Variants in ACAD9 observed in about 807,000 individuals in gnomAD.
ACAD9 encodes acyl-CoA dehydrogenase family member 9, also known as complex I assembly factor ACAD9, mitochondrial.
In ACAD9, 53 loss-of-function variants were observed where a neutral mutation model predicts 70.2. The observed-to-expected ratio is 0.75, with a 90% confidence interval of 0.61 to 0.95. ACAD9 has a LOEUF of 0.95. ACAD9 is among the 40% of genes least tolerant of loss of function. The pLI is 0.00. For missense variants in ACAD9, 777 were observed against 802.8 expected, an observed-to-expected ratio of 0.97 and a Z score of 0.39; for synonymous variants, 313 against 312.1, an observed-to-expected ratio of 1.00 and a Z score of -0.03.
At position 128,908,456 on chromosome 3, in the gene ACAD9, C is replaced by T. The variant is rs1935974810; in HGVS notation, c.1358+192C>T. On this transcript the variant is annotated intron_variant, in intron 13 of 17. Transcript: ENST00000308982. ...CCAGGGAAGCCCTCGCTGCCCTGCC[C>T]TTATGGCCACAGCACCCTACAGCTT... The T allele has an allele frequency of 4.5e-6, 3 of 668,980 alleles. No individual in the cohort carries two copies. In the South Asian group the frequency reaches 5.0e-5, roughly 11 times the overall value. The allele number at this position is 668,980 out of a possible 1,614,324, so 41.4% of individuals were successfully genotyped here.
chr3:128,899,416 A>G lies in ACAD9; in HGVS notation c.763A>G (p.Thr255Ala), dbSNP rs1935665751. Residue 255 changes from threonine to alanine, a missense_variant, in exon 7 of 18, where the codon ACT (threonine) becomes GCT (alanine). By Grantham distance (58) the Thr-to-Ala change is moderately conservative. Transcript: ENST00000308982. ...AGTAGAAAGAGACTTTGGTGGAGTCACTAATGGGAAACCCGAAGATAAATT... is the reference window on the plus strand; with the variant it reads ...AGTAGAAAGAGACTTTGGTGGAGTCGCTAATGGGAAACCCGAAGATAAATT... ...FIVERDFGGV[T>A]NGKPEDKLGI... 6.2e-7 allele frequency: 1 copy of G among 1,614,266 alleles called. No homozygotes were observed. The highest frequency in any genetic ancestry group is 8.5e-7 in the Non-Finnish European group (1 of 1,180,046).
rs538712343 is a variant in ACAD9 at position 128,909,028 on chromosome 3, C to G, written c.1414C>G (p.Arg472Gly). ...CATGGATACCGTTGGCCGGAGGCTTCGGGACTCCCTGGGCCGAACTGTGGA... is the reference window on the plus strand; with the variant it reads ...CATGGATACCGTTGGCCGGAGGCTTGGGGACTCCCTGGGCCGAACTGTGGA... The part of the protein sequence containing the change: ...TVMDTVGRRL[R>G]DSLGRTVDLG... The change falls in exon 14 of 18, where the codon CGG becomes GGG. Residue 472 changes from arginine to glycine, a missense_variant. Transcript: ENST00000308982. 6.2e-7 allele frequency: 1 copy of G among 1,614,138 alleles called. No individual in the cohort carries two copies. The highest frequency in any genetic ancestry group is 8.5e-7 in the Non-Finnish European group (1 of 1,180,038).
chr3:128,908,156 GCCT>G (rs778156794), intron 12 of ACAD9, 26 bp from the exon 13 acceptor site: 42 of 1,610,946 alleles, frequency 2.6e-5, no homozygotes, highest in Non-Finnish European at 3.6e-5. Flanking sequence ...CCGGGGGGCA[GCCT>G]TTGACCTCTA....
chr3:128,889,387 T>C (rs1035628706), intron 2 of ACAD9, among the ~76,000 whole-genome samples: 2 of 152,126 alleles, frequency 1.3e-5, no homozygotes, highest in Non-Finnish European at 2.9e-5. Flanking sequence ...CTCTGCCACC[T>C]AGGTTGTGTA....
intron 7 of ACAD9, 104 bp downstream of exon 7, chr3:128,899,565 A>AG: frequency 1.1e-6 from 1 of 917,794 alleles, no homozygotes; most frequent in Non-Finnish European, 1.5e-6. Flanking sequence ...TGTGTGTGTA[A>AG]GGGGGAGACT....
chr3:128,890,372 C>T (rs1935383737), intron 2 of ACAD9, among the ~76,000 whole-genome samples: 1 of 151,962 alleles, frequency 6.6e-6, no homozygotes, highest in Non-Finnish European at 1.5e-5. Flanking sequence ...AGGTGAGAGC[C>T]ACCTCGCCCA....
At chr3:128,884,587 A>T in intron 1 of ACAD9, 66 bp from the exon 2 acceptor site, 1 of 1,199,410 alleles carries the variant, frequency 8.3e-7, no homozygotes, top group Non-Finnish European at 1.2e-6. Context: ...TTCCCTTTTA[A>T]CTGATATTTC....
chr3:128,881,742 C>G (rs789227), intron 1 of ACAD9, among the ~76,000 whole-genome samples: 39,091 of 152,070 alleles, frequency 0.26, 5,487 homozygotes, highest in East Asian at 0.55. Context: ...TCTCTGGTTT[C>G]TGAATCACTG....
chr3:128,881,183 A>G (rs144437105), intron 1 of ACAD9, among the ~76,000 whole-genome samples: 3 of 152,364 alleles, frequency 2.0e-5, no homozygotes, highest in East Asian at 1.9e-4. Context: ...TCTTGAACAT[A>G]TTGGAAAACC....
rs768769460 is a variant in ACAD9 at position 128,895,408 on chromosome 3, G to A, written c.445G>A (p.Gly149Ser). 8 of 1,607,208 alleles carry A rather than the reference G, an allele frequency of 5.0e-6. No individual in the cohort carries two copies. Among genetic ancestry groups the A allele is most frequent in the African/African-American group, 1.3e-5 (1 of 74,794 alleles). ...TVTLAAHQAI[G>S]LKGIILAGTE... ...GACCCTGGCAGCGCACCAGGCTATT[G>A]GCCTCAAGGTCAGGTATCTGGGGAT... Residue 149 changes from glycine (G) to serine (S), a missense_variant, in exon 4 of 18, where the codon GGC becomes AGC. Physicochemically the swap from Gly to Ser is moderately conservative, Grantham distance 56. Coordinates refer to ENST00000308982, the MANE Select transcript of ACAD9 (RefSeq NM_014049.5).
At chr3:128,894,688 G>A (rs954896788) in intron 3 of ACAD9, among the ~76,000 whole-genome samples, 13 of 151,352 alleles carry the variant, frequency 8.6e-5, no homozygotes, top group South Asian at 2.1e-4. Flanking sequence ...GGCGTGCGCC[G>A]CCATGCCTGG....
intron 7 of ACAD9, 142 bp downstream of exon 7, chr3:128,899,603 A>G: frequency 1.0e-6 from 1 of 976,706 alleles, no homozygotes; most frequent in Non-Finnish European, 1.5e-6. Flanking sequence ...AAATAGCAAG[A>G]TAAAATGAGA....
In ACAD9 at chr3:128,902,118, A is replaced by G. The variant is rs1222526994; in HGVS notation, c.883-435A>G. ...TTCATCCATTCACCAGCTGATGGAC[A>G]TTGGGGTTGTTACCGCTTTTGGCTG... On this transcript the variant is annotated intron_variant, in intron 8 of 17. Coordinates refer to ENST00000308982, the MANE Select transcript of ACAD9 (RefSeq NM_014049.5). The surrounding 1 kb of genome is among the most constrained non-coding windows in gnomAD (Gnocchi z 4.0). Among the ~76,000 whole-genome samples, 2 of 152,216 alleles carry G rather than the reference A, an allele frequency of 1.3e-5. No individual in the cohort carries two copies. Among genetic ancestry groups the G allele is most frequent in the Non-Finnish European group, 1.5e-5 (1 of 68,028 alleles).
intron 2 of ACAD9, among the ~76,000 whole-genome samples, chr3:128,888,540 C>G (rs1341625071): frequency 6.6e-6 from 1 of 152,100 alleles, no homozygotes; most frequent in East Asian, 1.9e-4. Flanking sequence ...GATGGCGCCA[C>G]TGCACTTCAG....
chr3:128,910,676 T>G, intron 16 of ACAD9, 65 bp from the exon 17 acceptor site: 1 of 1,588,724 alleles, frequency 6.3e-7, no homozygotes. Context: ...TAGGCTGGGT[T>G]TTTGAAGCTC....
rs778401835 is a variant in ACAD9 at position 128,899,264 on chromosome 3, A to G, written c.634-23A>G. 3.7e-6 allele frequency: 6 copies of G among 1,613,958 alleles called. No individual in the cohort carries two copies. The East Asian group carries it at 8.9e-5, about 24-fold the overall frequency. ...GTCACATAGGGGTTTGGTTTTCTCC[A>G]AAGTCCATCTTTCTGTCCTCAGGTC... On this transcript the variant is annotated intron_variant, in intron 6 of 17. Transcript: ENST00000308982.
chr3:128,910,244 G>T (rs1437025485), intron 16 of ACAD9, 95 bp downstream of exon 16: 35 of 1,582,284 alleles, frequency 2.2e-5, no homozygotes, highest in Non-Finnish European at 3.0e-5. Context: ...GTGGTCGGGT[G>T]TGGGGGAGGC....
chr3:128,896,634 T>G (rs1458210224), intron 5 of ACAD9, 98 bp downstream of exon 5: 1 of 1,176,938 alleles, frequency 8.5e-7, no homozygotes, highest in African/African-American at 1.5e-5. Flanking sequence ...AGCTGACTTT[T>G]CCTTCTTTCC....
intron 11 of ACAD9, 94 bp from the exon 12 acceptor site, chr3:128,906,027 C>A: frequency 6.3e-7 from 1 of 1,579,758 alleles, no homozygotes; most frequent in Non-Finnish European, 8.7e-7. Context: ...CGATCTCCTC[C>A]CCAAGCCCGT....
Sources: allele counts gnomAD v4.1 joint callset (sites outside exome capture counted in the v4.1 genomes callset), GRCh38; gene constraint gnomAD v4.1.1; non-coding constraint Gnocchi (gnomAD v3.1); transcripts MANE v1.5; gene names NCBI Gene and HGNC (gene_info 2026-07-23, HGNC 2026-07-21).